SLCO2A1: variants seen among roughly 807,000 people sequenced by gnomAD.
SLCO2A1 encodes solute carrier organic anion transporter family member 2A1.
A neutral mutation model predicts 71.7 loss-of-function variants in SLCO2A1; 60 were observed. That is an observed-to-expected ratio of 0.84 (90% CI 0.68 to 1.04). SLCO2A1 has a LOEUF of 1.04. SLCO2A1 is among the 50% of genes least tolerant of loss of function. The pLI, the probability that SLCO2A1 is intolerant of heterozygous loss-of-function variation, is 0.00. For synonymous variants in SLCO2A1, 308 were observed against 326.7 expected (o/e 0.94, Z 0.62); for missense variants, 745 against 813.4 (o/e 0.92, Z 1.02).
rs9881514 is a variant in SLCO2A1 at position 133,954,867 on chromosome 3, C to A, written c.625+99G>T. On this transcript the variant is annotated intron_variant, in intron 4 of 13. Transcript: ENST00000310926. Reference sequence around the variant, plus strand: ...CTGAACTCATTTGCTGGGTTGTAAGCAAAGAGGGTGGGACCTCAGTTTAGT... The same window carrying A: ...CTGAACTCATTTGCTGGGTTGTAAGAAAAGAGGGTGGGACCTCAGTTTAGT... 11 of 942,882 alleles carry A rather than the reference C, an allele frequency of 1.2e-5. No homozygotes were observed. In the East Asian group the frequency reaches 2.7e-4, roughly 23 times the overall value. 58.4% of individuals were successfully genotyped at this position (942,882 alleles called of 1,614,324 possible).
intron 1 of SLCO2A1, among the ~76,000 whole-genome samples, chr3:134,009,523 A>G (rs572545633): frequency 5.0e-4 from 76 of 152,400 alleles, no homozygotes; most frequent in African/African-American, 1.8e-3. Context: ...ATGATAAAGC[A>G]TTATGCAGCT....
At chr3:133,993,226 G>A (rs192614182) in intron 1 of SLCO2A1, among the ~76,000 whole-genome samples, 7 of 152,328 alleles carry the variant, frequency 4.6e-5, no homozygotes, top group South Asian at 2.1e-4. Flanking sequence ...TGCCAGTGCC[G>A]AAGCGACCAG....
intron 1 of SLCO2A1, among the ~76,000 whole-genome samples, chr3:134,002,901 A>T (rs1935133055): frequency 6.6e-6 from 1 of 152,230 alleles, no homozygotes; most frequent in Non-Finnish European, 1.5e-5. Flanking sequence ...GCTAAAAAAA[A>T]AAGTCTTTCT....
At chr3:133,939,398 C>T (rs1933358845) in intron 11 of SLCO2A1, among the ~76,000 whole-genome samples, 1 of 152,164 alleles carries the variant, frequency 6.6e-6, no homozygotes. Context: ...TCTCTGTGCT[C>T]TGAGCACACA....
At chr3:133,984,398 T>C (rs984858158) in intron 1 of SLCO2A1, among the ~76,000 whole-genome samples, 1 of 152,050 alleles carries the variant, frequency 6.6e-6, no homozygotes, top group Non-Finnish European at 1.5e-5. Flanking sequence ...GCAGAGGTGT[T>C]TGTATATATC....
At chr3:133,945,300 G>C in intron 9 of SLCO2A1, 40 bp from the exon 10 acceptor site, 1 of 1,569,484 alleles carries the variant, frequency 6.4e-7, no homozygotes. Flanking sequence ...AACAAAGCAA[G>C]ACCAAAGAAA....
chr3:133,993,150 G>A lies in SLCO2A1; in HGVS notation c.97-13532C>T, dbSNP rs537921906. On this transcript the variant is annotated intron_variant, in intron 1 of 13. Transcript: ENST00000310926. ...TACTAGCCCCAGAGCTCTTGCACCC[G>A]CTGACCTGTGCTCCCCCTCCCCAGG... Among the ~76,000 whole-genome samples, 9 of 152,338 alleles carry A rather than the reference G, an allele frequency of 5.9e-5. No homozygotes were observed. In the South Asian group the frequency reaches 8.3e-4, roughly 14 times the overall value.
chr3:133,945,882 C>T (rs768435588), intron 9 of SLCO2A1, among the ~76,000 whole-genome samples: 23 of 152,174 alleles, frequency 1.5e-4, no homozygotes, highest in African/African-American at 5.1e-4. Flanking sequence ...GAGTTCATCT[C>T]GTGCCAGGCA....
intron 1 of SLCO2A1, among the ~76,000 whole-genome samples, chr3:133,995,566 A>C (rs534894989): frequency 6.6e-6 from 1 of 152,302 alleles, no homozygotes; most frequent in East Asian, 1.9e-4. Context: ...GGTAGTAAAG[A>C]ATGTCCCTCC....
chr3:134,015,311 A>G (rs4284979), intron 1 of SLCO2A1, among the ~76,000 whole-genome samples: 16,763 of 152,226 alleles, frequency 0.11, 1,196 homozygotes, highest in East Asian at 0.38. Context: ...TCTAGAGGAC[A>G]TTATGCTAAG....
chr3:133,939,695 AGAT>A (rs1933365925), intron 11 of SLCO2A1, among the ~76,000 whole-genome samples: 1 of 152,244 alleles, frequency 6.6e-6, no homozygotes, highest in Admixed American at 6.5e-5. Flanking sequence ...AGTTCATAAT[AGAT>A]ACCTGCCTTG....
In SLCO2A1 at chr3:134,025,488, T is replaced by C. The variant is rs1935684639; in HGVS notation, c.96+4219A>G. Among the ~76,000 whole-genome samples, 5 of 152,280 alleles carry C rather than the reference T, an allele frequency of 3.3e-5. 1 individual carries two copies. In the South Asian group the frequency reaches 1.0e-3, roughly 32 times the overall value. ...GAAAAAGGGGTGCCCAAACGAGTCA[T>C]CTTAAAATTTGATGCCTGTGCTGTC... On this transcript the variant is annotated intron_variant, in intron 1 of 13. Transcript: ENST00000310926.
chr3:133,990,513 AC>A (rs1934817946), intron 1 of SLCO2A1, among the ~76,000 whole-genome samples: 1 of 152,164 alleles, frequency 6.6e-6, no homozygotes, highest in South Asian at 2.1e-4. Context: ...CAAAAAATAT[AC>A]CGAACCCTTC....
chr3:134,003,011 G>A (rs2108070721), intron 1 of SLCO2A1, among the ~76,000 whole-genome samples: 1 of 152,332 alleles, frequency 6.6e-6, no homozygotes, highest in East Asian at 1.9e-4. Flanking sequence ...TGGCAGCACT[G>A]TCGGTGTGGG....
chr3:134,021,595 A>C (rs1449989677), intron 1 of SLCO2A1, among the ~76,000 whole-genome samples: 1 of 152,088 alleles, frequency 6.6e-6, no homozygotes, highest in Non-Finnish European at 1.5e-5. Flanking sequence ...AAGAGAGAAG[A>C]AAAGAGGCAA....
intron 1 of SLCO2A1, among the ~76,000 whole-genome samples, chr3:133,986,258 GT>G (rs1311808257): frequency 4.6e-5 from 7 of 151,026 alleles, no homozygotes; most frequent in African/African-American, 1.7e-4. Context: ...ACAGTTTTTT[GT>G]TTTTTGTTTT....
intron 6 of SLCO2A1, chr3:133,949,365 G>C: frequency 4.1e-6 from 1 of 243,076 alleles, no homozygotes; most frequent in Admixed American, 5.0e-5. Context: ...CTCTGGTCTA[G>C]AATGCCATCT....
intron 1 of SLCO2A1, among the ~76,000 whole-genome samples, chr3:133,990,158 G>A (rs1044328094): frequency 2.0e-5 from 3 of 152,228 alleles, no homozygotes; most frequent in Admixed American, 6.5e-5. Context: ...TGCAGGCCCC[G>A]TGCACGCAGT....
rs1339215874 is a variant in SLCO2A1, at chr3:133,935,842, C to T, written c.1746G>A (p.Arg582=). Residue 582 remains arginine, a synonymous_variant, in exon 13 of 14, where the codon CGG becomes CGA. Coordinates refer to ENST00000310926, the MANE Select transcript of SLCO2A1 (RefSeq NM_005630.3). ...GCCTCCCCAAGCACAGCGAGTTCCACCGGATGCAGGAGTGGTCAATGGTGA... is the reference window on the plus strand; with the variant it reads ...GCCTCCCCAAGCACAGCGAGTTCCATCGGATGCAGGAGTGGTCAATGGTGA... The part of the protein sequence containing the change: ...YGLTIDHSCI[R]WNSLCLGRRG... 1 of 1,611,862 alleles carries T rather than the reference C, an allele frequency of 6.2e-7. No individual in the cohort carries two copies. The highest frequency in any genetic ancestry group is 8.5e-7 in the Non-Finnish European group (1 of 1,178,692).
Sources: allele counts gnomAD v4.1 joint callset (sites outside exome capture counted in the v4.1 genomes callset), GRCh38; gene constraint gnomAD v4.1.1; transcripts MANE v1.5; gene names NCBI Gene and HGNC (gene_info 2026-07-23, HGNC 2026-07-21).